Variants in ECHDC3 observed in about 807,000 individuals in gnomAD.
The protein encoded by ECHDC3 is enoyl-CoA hydratase domain containing 3.
Under a neutral mutation model 17.9 loss-of-function variants are expected in ECHDC3, and 20 were observed. That is an observed-to-expected ratio of 1.12 (90% CI 0.79 to 1.63). The LOEUF (loss-of-function observed/expected upper bound fraction) is 1.63, where lower values mean the gene tolerates loss of function less well. Ranked by LOEUF, ECHDC3 falls within the 40% of genes most tolerant of loss-of-function variation. The pLI, the probability that ECHDC3 is intolerant of heterozygous loss-of-function variation, is 0.00. For missense variants in ECHDC3, 407 were observed against 357.7 expected (o/e 1.14, Z -1.11); for synonymous variants, 177 against 149.7 (o/e 1.18, Z -1.33).
intron 4 of ECHDC3, among the ~76,000 whole-genome samples, chr10:11,762,968 G>A (rs113839162): frequency 2.2e-4 from 33 of 152,162 alleles, no homozygotes; most frequent in African/African-American, 6.5e-4. Context: ...ATCCCCAGCC[G>A]TGGCAGGGCT....
chr10:11,746,885 A>G (rs966355599), intron 1 of ECHDC3, among the ~76,000 whole-genome samples: 2 of 152,168 alleles, frequency 1.3e-5, no homozygotes, highest in Non-Finnish European at 2.9e-5. Flanking sequence ...CAGTGAGCCG[A>G]GATCTATAGA....
intron 4 of ECHDC3, among the ~76,000 whole-genome samples, chr10:11,761,186 G>A (rs10752230): frequency 0.67 from 101,417 of 152,092 alleles, 34,304 homozygotes; most frequent in Non-Finnish European, 0.71. Flanking sequence ...TAGTCCTGTG[G>A]CTTAAAAACC....
intron 3 of ECHDC3, among the ~76,000 whole-genome samples, chr10:11,754,928 G>A (rs1832868428): frequency 6.6e-6 from 1 of 152,222 alleles, no homozygotes; most frequent in African/African-American, 2.4e-5. Flanking sequence ...ATATTTAATA[G>A]GAGTTAGTGC....
chr10:11,746,681 A>G (rs1832764734), intron 1 of ECHDC3, among the ~76,000 whole-genome samples: 1 of 152,162 alleles, frequency 6.6e-6, no homozygotes, highest in African/African-American at 2.4e-5. Flanking sequence ...CATGCCTATA[A>G]TCTCAAAACT....
intron 1 of ECHDC3, among the ~76,000 whole-genome samples, chr10:11,745,260 TC>T (rs2133785918): frequency 6.6e-6 from 1 of 152,248 alleles, no homozygotes; most frequent in Admixed American, 6.5e-5. Flanking sequence ...ATGAACAGAT[TC>T]CGCGGCGCAC....
intron 4 of ECHDC3, among the ~76,000 whole-genome samples, chr10:11,756,512 G>A (rs918582957): frequency 1.3e-5 from 2 of 152,292 alleles, no homozygotes; most frequent in East Asian, 1.9e-4. Flanking sequence ...CCAGTAGTAG[G>A]ACCAAGAAGT....
chr10:11,761,424 T>C (rs1377759085), intron 4 of ECHDC3, among the ~76,000 whole-genome samples: 2 of 152,202 alleles, frequency 1.3e-5, no homozygotes, highest in African/African-American at 4.8e-5. Context: ...AACCCCACTC[T>C]ACATGCTGAT....
In ECHDC3 at chr10:11,763,788, G is replaced by A. The variant is rs997687558; in HGVS notation, c.*244G>A. The A allele has an allele frequency of 3.9e-6, 5 of 1,286,402 alleles. No individual in the cohort carries two copies. The African/African-American group carries it at 6.0e-5, about 16-fold the overall frequency. The allele number at this position is 1,286,402 out of a possible 1,614,324, so 79.7% of individuals were successfully genotyped here. ...CCCTGCAGCGGGCCAGCTATGGTGG[G>A]AAGCCTGGCATTTGGGGTGCTCCTT... is the stretch of plus-strand genomic sequence containing the variant. On this transcript the variant is annotated 3_prime_UTR_variant, in exon 5 of 5. Coordinates refer to ENST00000379215, the MANE Select transcript of ECHDC3 (RefSeq NM_024693.5). This position sits in a 1 kb window ranked among gnomAD's most constrained non-coding sequence, Gnocchi z 4.9.
At chr10:11,743,087 A>G (rs1419141244) in intron 1 of ECHDC3, among the ~76,000 whole-genome samples, 4 of 152,180 alleles carry the variant, frequency 2.6e-5, no homozygotes, top group Admixed American at 2.6e-4. Flanking sequence ...GCCCTCACAC[A>G]GAGGCGCGGG....
intron 4 of ECHDC3, among the ~76,000 whole-genome samples, chr10:11,761,060 C>T (rs1299112527): frequency 6.8e-6 from 1 of 147,012 alleles, no homozygotes; most frequent in Non-Finnish European, 1.5e-5. Flanking sequence ...CTGCATCACC[C>T]GTCCCTGGCT....
At chr10:11,762,967 C>T (rs1412459918) in intron 4 of ECHDC3, among the ~76,000 whole-genome samples, 6 of 152,058 alleles carry the variant, frequency 3.9e-5, no homozygotes, top group Non-Finnish European at 7.4e-5. Flanking sequence ...AATCCCCAGC[C>T]GTGGCAGGGC....
intron 4 of ECHDC3, among the ~76,000 whole-genome samples, chr10:11,760,273 C>T (rs1832933463): frequency 6.6e-6 from 1 of 152,184 alleles, no homozygotes; most frequent in African/African-American, 2.4e-5. Context: ...CCCAGGAGGA[C>T]CAGTGCCCAG....
rs981117201 is a variant in ECHDC3, at chr10:11,763,577, G to A, written c.*33G>A. 17 of 1,458,070 alleles carry A rather than the reference G, an allele frequency of 1.2e-5. No individual in the cohort carries two copies. The highest frequency in any genetic ancestry group is 5.6e-5 in the African/African-American group (4 of 70,958). 90.3% of individuals were successfully genotyped at this position (1,458,070 alleles called of 1,614,324 possible). A position where few individuals can be genotyped will look rare whatever the true frequency, so the allele number is the denominator to read the frequency against. ...CAGAGGAGTGAGGCCCACGGGCAGC[G>A]CCCAGGAGCCCACCTTCCCCTCTGG... On this transcript the variant is annotated 3_prime_UTR_variant, in exon 5 of 5. Coordinates refer to ENST00000379215, the MANE Select transcript of ECHDC3 (RefSeq NM_024693.5). This position sits in a 1 kb window ranked among gnomAD's most constrained non-coding sequence, Gnocchi z 4.9.
At chr10:11,751,633 G>A (rs185692463) in intron 3 of ECHDC3, among the ~76,000 whole-genome samples, 1 of 152,298 alleles carries the variant, frequency 6.6e-6, no homozygotes, top group East Asian at 1.9e-4. Flanking sequence ...CAGATGACAA[G>A]TACTGCATGA....
chr10:11,762,127 T>C (rs1466793399), intron 4 of ECHDC3, among the ~76,000 whole-genome samples: 1 of 151,474 alleles, frequency 6.6e-6, no homozygotes, highest in Non-Finnish European at 1.5e-5. Flanking sequence ...ACATACACTA[T>C]AAACAAACGT....
intron 1 of ECHDC3, among the ~76,000 whole-genome samples, chr10:11,744,406 C>T (rs1258961560): frequency 6.6e-6 from 1 of 152,054 alleles, no homozygotes; most frequent in African/African-American, 2.4e-5. Context: ...TATTTTTTGT[C>T]CTTAGGTCAA....
intron 3 of ECHDC3, among the ~76,000 whole-genome samples, chr10:11,754,022 C>T (rs1395631827): frequency 1.3e-5 from 2 of 152,070 alleles, no homozygotes; most frequent in Admixed American, 6.6e-5. Flanking sequence ...CTCAGATGAT[C>T]CACCCACCTG....
intron 3 of ECHDC3, 75 bp downstream of exon 3, chr10:11,749,667 T>C: frequency 6.9e-7 from 1 of 1,444,724 alleles, no homozygotes; most frequent in Non-Finnish European, 9.6e-7. Flanking sequence ...GCCTTCGACC[T>C]TACAGATAAG....
chr10:11,743,277 G>T (rs1303078520), intron 1 of ECHDC3, among the ~76,000 whole-genome samples: 1 of 152,230 alleles, frequency 6.6e-6, no homozygotes, highest in Non-Finnish European at 1.5e-5. Flanking sequence ...GCCTGGCCGG[G>T]GCAAGGGTGC....
Sources: allele counts gnomAD v4.1 joint callset (sites outside exome capture counted in the v4.1 genomes callset), GRCh38; gene constraint gnomAD v4.1.1; non-coding constraint Gnocchi (gnomAD v3.1); transcripts MANE v1.5; gene names NCBI Gene and HGNC (gene_info 2026-07-23, HGNC 2026-07-21).